WDR37: variants seen among roughly 807,000 people sequenced by gnomAD.
WDR37 encodes WD repeat-containing protein 37.
A neutral mutation model predicts 62.9 loss-of-function variants in WDR37; 19 were observed. The observed-to-expected ratio is 0.30, with a 90% confidence interval of 0.21 to 0.44. The LOEUF is 0.44. WDR37 is among the 20% of genes least tolerant of loss of function. The pLI is 1.00. For synonymous variants in WDR37, 250 were observed against 260.9 expected, an observed-to-expected ratio of 0.96 and a Z score of 0.40; for missense variants, 474 against 657.6, an observed-to-expected ratio of 0.72 and a Z score of 3.05.
At chr10:1,118,768 T>C (rs1835481879) in intron 11 of WDR37, among the ~76,000 whole-genome samples, 1 of 152,230 alleles carries the variant, frequency 6.6e-6, no homozygotes, top group African/African-American at 2.4e-5. Context: ...GAGAGGGACA[T>C]ACCAGTGCTT....
Position 1,080,112 on chromosome 10 carries a change from G to A in WDR37, c.331+6G>A. 6.2e-7 allele frequency: 1 copy of A among 1,613,970 alleles called. No homozygotes were observed. The highest frequency in any genetic ancestry group is 8.5e-7 in the Non-Finnish European group (1 of 1,179,892). On this transcript the variant is annotated splice_donor_region_variant and intron_variant, in intron 4 of 13. Coordinates refer to ENST00000263150, the MANE Select transcript of WDR37 (RefSeq NM_014023.4). ...GGGCCAACTCAAAACAAAAGGTAAG[G>A]TGAATCCCATGAAAGTCTTGTCCTG... is the stretch of plus-strand genomic sequence containing the variant.
rs1001183579 is a variant in WDR37, at chr10:1,131,324, T to C, written c.*1980T>C. 6.6e-6 allele frequency: 1 copy of C among 152,274 alleles called. No individual in the cohort carries two copies. Among genetic ancestry groups the C allele is most frequent in the African/African-American group, 2.4e-5 (1 of 41,464 alleles). 9.4% of individuals were successfully genotyped at this position (152,274 alleles called of 1,614,324 possible). A position where few individuals can be genotyped will look rare whatever the true frequency, so the allele number is the denominator to read the frequency against. On this transcript the variant is annotated 3_prime_UTR_variant, in exon 14 of 14. Coordinates refer to ENST00000263150, the MANE Select transcript of WDR37 (RefSeq NM_014023.4). The stretch of plus-strand genomic sequence containing the variant: ...AGTTTAATTTGAAAGTCTGGGTGTC[T>C]TAGGATGATGGTTAGGAACATTGAA...
At chr10:1,066,396 G>T (rs374664417) in intron 1 of WDR37, among the ~76,000 whole-genome samples, 3 of 152,200 alleles carry the variant, frequency 2.0e-5, no homozygotes, top group Non-Finnish European at 4.4e-5. Flanking sequence ...GATTATAGGC[G>T]TGAGCCACCT....
At chr10:1,058,219 C>G (rs1833261901) in intron 1 of WDR37, among the ~76,000 whole-genome samples, 1 of 152,218 alleles carries the variant, frequency 6.6e-6, no homozygotes, top group African/African-American at 2.4e-5. Flanking sequence ...AGCAGTGTGA[C>G]CTTGGGCAAG....
intron 5 of WDR37, 94 bp downstream of exon 5, chr10:1,080,570 G>C (rs1412356199): frequency 7.2e-7 from 1 of 1,395,104 alleles, no homozygotes; most frequent in African/African-American, 1.4e-5. Flanking sequence ...GAAAGGCATA[G>C]CAGAAAAAGA....
rs1352448573 is a variant in WDR37 at position 1,072,242 on chromosome 10, C to T, written c.87C>T (p.Asn29=). The change falls in exon 2 of 14, where the codon AAC becomes AAT. Residue 29 remains asparagine (N), a synonymous_variant. Transcript: ENST00000263150. ...KSHSLSIRRT[N]SSEQERTGLP... is the part of the protein sequence containing the mutation. The stretch of plus-strand genomic sequence containing the variant: ...ATAGCCTTTCTATACGAAGAACTAA[C>T]AGCTCGGAGCAGGAGAGGACGGGAC... 3.7e-6 allele frequency: 6 copies of T among 1,614,074 alleles called. No individual in the cohort carries two copies. In the African/African-American group the frequency reaches 5.3e-5, roughly 14 times the overall value.
chr10:1,070,934 T>C (rs370158915), intron 1 of WDR37, among the ~76,000 whole-genome samples: 15 of 152,318 alleles, frequency 9.8e-5, no homozygotes, highest in African/African-American at 3.4e-4. Flanking sequence ...ATTTCAGGGA[T>C]GTGTGTCTGC....
chr10:1,097,997 A>T (rs1197134507), intron 9 of WDR37, among the ~76,000 whole-genome samples: 1 of 152,130 alleles, frequency 6.6e-6, no homozygotes, highest in Non-Finnish European at 1.5e-5. Context: ...CTTAGCGCTG[A>T]TGCTGGAATA....
intron 7 of WDR37, among the ~76,000 whole-genome samples, chr10:1,087,653 C>T (rs1834245611): frequency 6.6e-6 from 1 of 152,170 alleles, no homozygotes; most frequent in African/African-American, 2.4e-5. Flanking sequence ...ACAATGCTGT[C>T]ATCAGATGTA....
intron 8 of WDR37, 148 bp from the exon 9 acceptor site, chr10:1,096,022 A>T: frequency 1.5e-6 from 1 of 651,716 alleles, no homozygotes; most frequent in African/African-American, 1.8e-5. Context: ...CTCAGAAAAG[A>T]GTTATTTAAG....
intron 11 of WDR37, among the ~76,000 whole-genome samples, chr10:1,114,276 C>T (rs933906751): frequency 4.6e-5 from 7 of 152,184 alleles, no homozygotes; most frequent in Non-Finnish European, 1.0e-4. Flanking sequence ...TGCTTTTAAA[C>T]AGCATCACAT....
At chr10:1,128,376 A>G (rs1271298819) in intron 13 of WDR37, among the ~76,000 whole-genome samples, 1 of 152,260 alleles carries the variant, frequency 6.6e-6, no homozygotes, top group Non-Finnish European at 1.5e-5. Context: ...TGCATCTGCT[A>G]TGTACATACA....
chr10:1,105,394 C>G lies in WDR37; in HGVS notation c.1103+127C>G. ...TACTATCTTTCAAAAAAATAACTAC[C>G]TTTCAAATTCTGCTATTCTTTTTCT... On this transcript the variant is annotated intron_variant, in intron 11 of 13. Transcript: ENST00000263150. The surrounding 1 kb of genome is among the most constrained non-coding windows in gnomAD (Gnocchi z 5.3). 2 of 1,198,406 alleles carry G rather than the reference C, an allele frequency of 1.7e-6. No homozygotes were observed. Among genetic ancestry groups the G allele is most frequent in the East Asian group, 2.6e-5 (1 of 38,736 alleles). The allele number at this position is 1,198,406 out of a possible 1,614,324, so 74.2% of individuals were successfully genotyped here.
intron 7 of WDR37, among the ~76,000 whole-genome samples, chr10:1,089,138 C>T (rs1834298450): frequency 6.6e-6 from 1 of 152,014 alleles, no homozygotes; most frequent in Non-Finnish European, 1.5e-5. Flanking sequence ...CAGTCCTCTC[C>T]GTGTTAGCTC....
At chr10:1,122,357 AGAGT>A (rs1257636542) in intron 11 of WDR37, among the ~76,000 whole-genome samples, 4 of 152,218 alleles carry the variant, frequency 2.6e-5, no homozygotes, top group African/African-American at 9.6e-5. Context: ...GCCCCTGTAC[AGAGT>A]GAGTGACCCC....
intron 13 of WDR37, among the ~76,000 whole-genome samples, chr10:1,125,342 A>G (rs1835706268): frequency 6.6e-6 from 1 of 151,842 alleles, no homozygotes; most frequent in African/African-American, 2.4e-5. Flanking sequence ...CTCAGCCTCA[A>G]TCTCCCGAGT....
intron 1 of WDR37, among the ~76,000 whole-genome samples, chr10:1,069,389 A>ATATATATATATATTTTTTTTTTTTT: frequency 4.2e-4 from 40 of 95,756 alleles, no homozygotes; most frequent in African/African-American, 1.8e-3. Flanking sequence ...ATATATATAT[A>ATATATATATATATTTTTTTTTTTTT]TTTTTTTTTT....
chr10:1,080,121 A>G lies in WDR37; in HGVS notation c.331+15A>G, dbSNP rs1308307569. On this transcript the variant is annotated intron_variant, in intron 4 of 13. Coordinates refer to ENST00000263150, the MANE Select transcript of WDR37 (RefSeq NM_014023.4). ...CAAAACAAAAGGTAAGGTGAATCCC[A>G]TGAAAGTCTTGTCCTGCAGATTATA... 1 of 1,613,446 alleles carries G rather than the reference A, an allele frequency of 6.2e-7. No homozygotes were observed. Among genetic ancestry groups the G allele is most frequent in the Non-Finnish European group, 8.5e-7 (1 of 1,179,504 alleles).
In WDR37 at chr10:1,103,243, G is replaced by A. The variant is rs1174682172; in HGVS notation, c.727-359G>A. Among the ~76,000 whole-genome samples the A allele has an allele frequency of 2.0e-5, 3 of 152,136 alleles. No homozygotes were observed. Among genetic ancestry groups the A allele is most frequent in the Non-Finnish European group, 2.9e-5 (2 of 68,018 alleles). On this transcript the variant is annotated intron_variant, in intron 9 of 13. Coordinates refer to ENST00000263150, the MANE Select transcript of WDR37 (RefSeq NM_014023.4). The surrounding 1 kb of genome is among the most constrained non-coding windows in gnomAD (Gnocchi z 6.3). ...AAATTACTGACTTTCATTTGTATTT[G>A]GTTAGTTTTATATTGCATTTCTACT...
Sources: gnomAD v4.1 joint callset for allele counts (sites outside exome capture counted in the v4.1 genomes callset) on GRCh38, gnomAD v4.1.1 for gene constraint, Gnocchi (gnomAD v3.1) non-coding constraint, MANE v1.5 for transcripts, NCBI Gene and HGNC (gene_info 2026-07-23, HGNC 2026-07-21) for gene names.